SARDH: variants seen among roughly 807,000 people sequenced by gnomAD.
SARDH encodes sarcosine dehydrogenase.
In SARDH, 95 loss-of-function variants were observed where a neutral mutation model predicts 109.1. That is an observed-to-expected ratio of 0.87 (90% CI 0.74 to 1.03). The LOEUF (loss-of-function observed/expected upper bound fraction) is 1.03, where lower values mean the gene tolerates loss of function less well. Among genes scored for constraint, SARDH ranks in the 50% least tolerant of loss-of-function variants. The pLI is 0.00. For missense variants in SARDH, 1,267 were observed against 1,287.8 expected (o/e 0.98, Z 0.25); for synonymous variants, 572 against 534.8 (o/e 1.07, Z -0.96).
intron 3 of SARDH, 81 bp from the exon 4 acceptor site, chr9:133,731,565 C>A (rs904118151): frequency 7.1e-7 from 1 of 1,413,038 alleles, no homozygotes; most frequent in African/African-American, 1.4e-5. Flanking sequence ...GGGCATCCAC[C>A]GCAAACCCCA....
intron 8 of SARDH, 139 bp from the exon 9 acceptor site, chr9:133,713,263 C>G (rs1028577624): frequency 1.5e-6 from 1 of 674,990 alleles, no homozygotes; most frequent in African/African-American, 1.8e-5. Context: ...AGGCCCTGCT[C>G]AGCGCCACTT....
chr9:133,718,950 G>C lies in SARDH; in HGVS notation c.1008C>G (p.Ile336Met). The C allele has an allele frequency of 6.2e-7, 1 of 1,613,658 alleles. No individual in the cohort carries two copies. The highest frequency in any genetic ancestry group is 8.5e-7 in the Non-Finnish European group (1 of 1,179,602). ...LSVGGYEANP[I>M]FWEEVSDKFA... ...CCTGGCATCTTACCTCCTCCCAAAA[G>C]ATGGGGTTGGCCTCATAGCCACCCA... is the stretch of plus-strand genomic sequence containing the variant. Residue 336 changes from isoleucine to methionine, a missense_variant, in exon 7 of 21, where the codon ATC becomes ATG. By Grantham distance (10) the Ile-to-Met change is conservative. Coordinates refer to ENST00000439388, the MANE Select transcript of SARDH (RefSeq NM_001134707.2). The surrounding 1 kb of genome is among the most constrained non-coding windows in gnomAD (Gnocchi z 4.2).
At position 133,671,647 on chromosome 9, in the gene SARDH, G is replaced by A. The variant is rs1830355160; in HGVS notation, c.2214C>T (p.His738=). The change falls in exon 18 of 21, where the codon CAC becomes CAT. Residue 738 remains histidine, a synonymous_variant. Transcript: ENST00000439388. The part of the protein sequence containing the change: ...SFVGELGWEL[H]IPKASCVPVY... ...CAGGCACGCAGGACGCCTTTGGAAT[G>A]TGCAGCTCCCAGCCCAGCTCCCCCA... 1 of 1,595,304 alleles carries A rather than the reference G, an allele frequency of 6.3e-7. No individual in the cohort carries two copies. Among genetic ancestry groups the A allele is most frequent in the East Asian group, 2.3e-5 (1 of 44,000 alleles).
chr9:133,739,909 G>T (rs1833001488), upstream of SARDH: 1 of 152,308 alleles, frequency 6.6e-6, no homozygotes, highest in Non-Finnish European at 1.5e-5. Context: ...CAGTGGCCGG[G>T]TAGCCCACAC....
intron 6 of SARDH, 84 bp downstream of exon 6, chr9:133,729,681 C>T (rs1832605851): frequency 1.6e-6 from 2 of 1,242,560 alleles, no homozygotes; most frequent in Admixed American, 1.8e-5. Flanking sequence ...ACAAGGGTCA[C>T]ACCACCTGGG....
intron 16 of SARDH, 42 bp from the exon 17 acceptor site, chr9:133,685,328 G>C (rs774983027): frequency 5.7e-6 from 9 of 1,576,772 alleles, no homozygotes; most frequent in Non-Finnish European, 7.8e-6. Context: ...AAGTGCTCAC[G>C]GGTGGGGCCT....
rs1831996214 is a variant in SARDH at position 133,713,225 on chromosome 9, C to A, written c.1151-101G>T. On this transcript the variant is annotated intron_variant, in intron 8 of 20. Transcript: ENST00000439388. ...AGTGATCAGGCAGGGTCTGCAGGGGCCCCTCCACCCAACCCCCTCCCTCCT... is the reference window on the plus strand; with the variant it reads ...AGTGATCAGGCAGGGTCTGCAGGGGACCCTCCACCCAACCCCCTCCCTCCT... 5 of 961,748 alleles carry A rather than the reference C, an allele frequency of 5.2e-6. No homozygotes were observed. In the South Asian group the frequency reaches 7.7e-5, roughly 15 times the overall value. 59.6% of individuals were successfully genotyped at this position (961,748 alleles called of 1,614,324 possible).
Position 133,671,699 on chromosome 9 carries a change from T to TG in SARDH, c.2164-3dup. 6.4e-7 allele frequency: 1 copy of TG among 1,566,376 alleles called. No homozygotes were observed. Among genetic ancestry groups the TG allele is most frequent in the Non-Finnish European group, 8.7e-7 (1 of 1,155,738 alleles). On this transcript the variant is annotated splice_polypyrimidine_tract_variant and splice_region_variant and intron_variant, in intron 17 of 20. Coordinates refer to ENST00000439388, the MANE Select transcript of SARDH (RefSeq NM_001134707.2). ...AAAGGACAGCCGCATGGCTCGGACC[T>TG]GGGGGACAAGGTCATGGCTTAGATG...
intron 15 of SARDH, among the ~76,000 whole-genome samples, chr9:133,691,737 G>A (rs1452391844): frequency 3.9e-5 from 6 of 152,188 alleles, no homozygotes; most frequent in African/African-American, 1.4e-4. Context: ...GGTAGCGCAC[G>A]TATTCAACAC....
At chr9:133,733,573 G>A (rs1832758929) in intron 2 of SARDH, among the ~76,000 whole-genome samples, 2 of 152,204 alleles carry the variant, frequency 1.3e-5, no homozygotes, top group Non-Finnish European at 1.5e-5. Context: ...CCTCTGGACA[G>A]CTGCCTGGAG....
upstream of SARDH, among the ~76,000 whole-genome samples, chr9:133,738,619 C>T (rs982012095): frequency 6.6e-6 from 1 of 152,206 alleles, no homozygotes; most frequent in Admixed American, 6.5e-5. Context: ...GCAGTAGACC[C>T]AGGCACCACC....
chr9:133,730,550 TAAC>T (rs928213602), intron 4 of SARDH, among the ~76,000 whole-genome samples: 3 of 147,208 alleles, frequency 2.0e-5, no homozygotes, highest in Non-Finnish European at 3.0e-5. Context: ...AATCACAAAA[TAAC>T]AACAGCTTGG....
chr9:133,701,452 C>T (rs1039471825), intron 13 of SARDH, among the ~76,000 whole-genome samples: 3 of 152,258 alleles, frequency 2.0e-5, no homozygotes, highest in Non-Finnish European at 4.4e-5. Context: ...AGCAGCCTCC[C>T]GCGCTGGGCT....
chr9:133,734,584 A>G (rs1220411438), intron 1 of SARDH, among the ~76,000 whole-genome samples: 3 of 152,136 alleles, frequency 2.0e-5, no homozygotes, highest in Non-Finnish European at 2.9e-5. Flanking sequence ...AAAGACAGGG[A>G]GCGCCAAGCT....
downstream of SARDH, among the ~76,000 whole-genome samples, chr9:133,660,145 C>T (rs1280517742): frequency 6.6e-5 from 10 of 151,698 alleles, no homozygotes; most frequent in East Asian, 5.8e-4. Flanking sequence ...CCCCCTACCC[C>T]GCTCCAGCAG....
chr9:133,713,186 T>C (rs1390026319), intron 8 of SARDH, 62 bp from the exon 9 acceptor site: 1 of 1,436,302 alleles, frequency 7.0e-7, no homozygotes, highest in Non-Finnish European at 9.7e-7. Context: ...TGGGGTGAGG[T>C]CTTCCAAGAG....
At chr9:133,699,262 C>T (rs1831396264) in intron 13 of SARDH, among the ~76,000 whole-genome samples, 1 of 151,910 alleles carries the variant, frequency 6.6e-6, no homozygotes, top group African/African-American at 2.4e-5. Context: ...AGGATAATTA[C>T]TTGGGAGGCT....
intron 1 of SARDH, 124 bp from the exon 2 acceptor site, chr9:133,734,327 T>G: frequency 2.1e-6 from 1 of 477,778 alleles, no homozygotes; most frequent in Non-Finnish European, 3.5e-6. Flanking sequence ...CACTTCCCCA[T>G]GGCATTCATT....
At position 133,688,969 on chromosome 9, in the gene SARDH, C is replaced by A. The variant is rs129961; in HGVS notation, c.2069+1411G>T. 4.9e-3 allele frequency among the ~76,000 whole-genome samples: 751 copies of A among 152,326 alleles called. 8 individuals are homozygous for A. The highest frequency in any genetic ancestry group is 0.017 in the African/African-American group (691 of 41,570). Reference sequence around the variant, plus strand: ...ACCACAGTGCATATGCTTGGACGGACAGCAACAGCTCGGTCCCTTGCAGCC... The same window carrying A: ...ACCACAGTGCATATGCTTGGACGGAAAGCAACAGCTCGGTCCCTTGCAGCC... On this transcript the variant is annotated intron_variant, in intron 16 of 20. Transcript: ENST00000439388.
Sources: allele counts gnomAD v4.1 joint callset (sites outside exome capture counted in the v4.1 genomes callset), GRCh38; gene constraint gnomAD v4.1.1; non-coding constraint Gnocchi (gnomAD v3.1); transcripts MANE v1.5; gene names NCBI Gene and HGNC (gene_info 2026-07-23, HGNC 2026-07-21).